PRORP: variants seen among roughly 807,000 people sequenced by gnomAD.
PRORP encodes protein only RNase P catalytic subunit, also known as mitochondrial ribonuclease P catalytic subunit.
A neutral mutation model predicts 59.4 loss-of-function variants in PRORP; 51 were observed. That is an observed-to-expected ratio of 0.86 (90% confidence interval 0.69 to 1.08). The LOEUF (loss-of-function observed/expected upper bound fraction) is 1.08, where lower values mean the gene tolerates loss of function less well. Ranked by LOEUF, PRORP falls within the 50% of genes least tolerant of loss-of-function variation. PRORP has a pLI of 0.00. For synonymous variants in PRORP, 231 were observed against 245.6 expected, an observed-to-expected ratio of 0.94 and a Z score of 0.55; for missense variants, 646 against 690.3, an observed-to-expected ratio of 0.94 and a Z score of 0.72.
At chr14:35,239,981 A>G (rs2050319629) in intron 5 of PRORP, among the ~76,000 whole-genome samples, 1 of 151,746 alleles carries the variant, frequency 6.6e-6, no homozygotes, top group Non-Finnish European at 1.5e-5. Context: ...AGGCTGAGAC[A>G]GGAAAATCGC....
At chr14:35,255,374 C>T (rs557236937) in intron 5 of PRORP, among the ~76,000 whole-genome samples, 9 of 152,290 alleles carry the variant, frequency 5.9e-5, no homozygotes, top group African/African-American at 1.9e-4. Flanking sequence ...AAATGATCCA[C>T]CCGCCTTGGC....
intron 5 of PRORP, among the ~76,000 whole-genome samples, chr14:35,208,408 G>T (rs1166723198): frequency 2.6e-5 from 4 of 152,090 alleles, no homozygotes; most frequent in Non-Finnish European, 5.9e-5. Context: ...TTTTAGTGAA[G>T]CCCCATCTCT....
In PRORP at chr14:35,140,940, C is replaced by T. The variant is rs781691240; in HGVS notation, c.1167+13329C>T. ...AATAATGTAACATATAAAAATTATT[C>T]TAGGTATGACCAAGTCCATCAGGTT... On this transcript the variant is annotated intron_variant, in intron 4 of 7. Transcript: ENST00000534898. Among the ~76,000 whole-genome samples, 7 of 145,962 alleles carry T rather than the reference C, an allele frequency of 4.8e-5. 1 individual carries two copies. The highest frequency in any genetic ancestry group is 7.6e-5 in the Non-Finnish European group (5 of 65,642).
intron 5 of PRORP, among the ~76,000 whole-genome samples, chr14:35,224,206 C>CT (rs1020504234): frequency 4.6e-5 from 7 of 151,978 alleles, no homozygotes; most frequent in Non-Finnish European, 8.8e-5. Context: ...AAATAGAAAA[C>CT]TTTTTTTTAT....
chr14:35,270,903 G>A (rs2092990293), intron 7 of PRORP, among the ~76,000 whole-genome samples: 1 of 151,748 alleles, frequency 6.6e-6, no homozygotes, highest in East Asian at 2.0e-4. Flanking sequence ...CTAACACGGT[G>A]AAACCCCGTC....
intron 5 of PRORP, among the ~76,000 whole-genome samples, chr14:35,188,259 C>T (rs1180682963): frequency 2.8e-5 from 4 of 145,206 alleles, no homozygotes; most frequent in South Asian, 2.2e-4. Context: ...GGCATGATCT[C>T]GGCTCACTAC....
chr14:35,128,795 T>A (rs2047160693), intron 4 of PRORP, among the ~76,000 whole-genome samples: 1 of 152,166 alleles, frequency 6.6e-6, no homozygotes, highest in Non-Finnish European at 1.5e-5. Context: ...TGTTTCATGA[T>A]CTTTTGTATG....
intron 4 of PRORP, among the ~76,000 whole-genome samples, chr14:35,164,492 G>C (rs761686732): frequency 2.6e-5 from 4 of 152,210 alleles, no homozygotes; most frequent in Non-Finnish European, 5.9e-5. Flanking sequence ...ACAGCAACAT[G>C]GATGGAGCCG....
At chr14:35,251,345 C>T (rs1418100849) in intron 5 of PRORP, among the ~76,000 whole-genome samples, 1 of 152,114 alleles carries the variant, frequency 6.6e-6, no homozygotes, top group Non-Finnish European at 1.5e-5. Flanking sequence ...TTTGCAATTG[C>T]AAAAACAAGA....
Position 35,273,495 on chromosome 14 carries a change from G to C in PRORP, c.1681G>C (p.Asp561His), listed in dbSNP as rs1230959358. Reference protein sequence around the residue: ...TTGDSWHIPYDEDLVERCSCE... With the variant: ...TTGDSWHIPYHEDLVERCSCE... Reference sequence around the variant, plus strand: ...TGGAGACTCGTGGCACATACCATATGATGAAGACTTGGTAGAAAGATGTTC... The same window carrying C: ...TGGAGACTCGTGGCACATACCATATCATGAAGACTTGGTAGAAAGATGTTC... Residue 561 changes from aspartate (D) to histidine (H), a missense_variant, in exon 8 of 8, where the codon GAT becomes CAT. By Grantham distance (81) the Asp-to-His change is moderately conservative. Coordinates refer to ENST00000534898, the MANE Select transcript of PRORP (RefSeq NM_014672.4). 1 of 1,613,480 alleles carries C rather than the reference G, an allele frequency of 6.2e-7. No homozygotes were observed. The highest frequency in any genetic ancestry group is 2.2e-5 in the East Asian group (1 of 44,850).
chr14:35,126,636 C>T (rs79131050), intron 2 of PRORP, 99 bp from the exon 3 acceptor site: 80,791 of 876,238 alleles, frequency 0.092, 4,338 homozygotes, highest in Middle Eastern at 0.11. Flanking sequence ...TTGAACTTTT[C>T]GGACTTCTTG....
At chr14:35,187,774 G>A (rs2139069125) in intron 5 of PRORP, among the ~76,000 whole-genome samples, 1 of 151,980 alleles carries the variant, frequency 6.6e-6, no homozygotes, top group Non-Finnish European at 1.5e-5. Flanking sequence ...GATGCATGAT[G>A]TTGAATATCC....
intron 5 of PRORP, among the ~76,000 whole-genome samples, chr14:35,238,223 T>C (rs76998258): frequency 0.01 from 1,550 of 152,192 alleles, 28 homozygotes; most frequent in African/African-American, 0.035. Flanking sequence ...AGATTCAGAA[T>C]TGAAATGCCA....
chr14:35,135,654 G>A (rs549663086), intron 4 of PRORP, among the ~76,000 whole-genome samples: 6 of 152,212 alleles, frequency 3.9e-5, no homozygotes, highest in African/African-American at 1.4e-4. Context: ...TAGGTTCTGG[G>A]GAGCCATTAA....
At chr14:35,252,548 C>G (rs1242425575) in intron 5 of PRORP, among the ~76,000 whole-genome samples, 1 of 152,178 alleles carries the variant, frequency 6.6e-6, no homozygotes, top group African/African-American at 2.4e-5. Context: ...GTAAATCTCC[C>G]CACTGGGCCA....
intron 4 of PRORP, among the ~76,000 whole-genome samples, chr14:35,140,231 A>ATGTG (rs61039213): frequency 1.4e-5 from 2 of 141,232 alleles, no homozygotes; most frequent in Non-Finnish European, 3.1e-5. Context: ...TATGGTAGAT[A>ATGTG]TGTGTGTGTG....
At chr14:35,266,610 T>C (rs1310526651) in intron 5 of PRORP, 117 bp from the exon 6 acceptor site, 1 of 1,059,786 alleles carries the variant, frequency 9.4e-7, no homozygotes, top group African/African-American at 1.6e-5. Context: ...TGGATTGTTT[T>C]CTTACCCCCT....
intron 5 of PRORP, among the ~76,000 whole-genome samples, chr14:35,190,781 G>A (rs570381121): frequency 6.6e-6 from 1 of 152,238 alleles, no homozygotes; most frequent in African/African-American, 2.4e-5. Flanking sequence ...GGGATTACAG[G>A]CATGAGCCAC....
intron 5 of PRORP, among the ~76,000 whole-genome samples, chr14:35,180,979 A>C (rs1041929869): frequency 2.6e-5 from 4 of 152,114 alleles, no homozygotes; most frequent in African/African-American, 2.4e-5. Context: ...CTGGGAGAAA[A>C]CAATTAAAAG....
Sources: gnomAD v4.1 joint callset for allele counts (sites outside exome capture counted in the v4.1 genomes callset) on GRCh38, gnomAD v4.1.1 for gene constraint, MANE v1.5 for transcripts, NCBI Gene and HGNC (gene_info 2026-07-23, HGNC 2026-07-21) for gene names.